Variants in ARHGAP30 observed in about 807,000 individuals in gnomAD.
The protein encoded by ARHGAP30 is rho GTPase-activating protein 30.
ARHGAP30 carries 23 observed loss-of-function variants against 72.0 expected under a neutral mutation model. That is an observed-to-expected ratio of 0.32 (90% CI 0.23 to 0.45). ARHGAP30 has a LOEUF of 0.45. ARHGAP30 is among the 20% of genes least tolerant of loss of function. The pLI, the probability that ARHGAP30 is intolerant of heterozygous loss-of-function variation, is 1.00. For missense variants in ARHGAP30, 1,319 were observed against 1,383.4 expected (o/e 0.95, Z 0.74); for synonymous variants, 576 against 528.2 (o/e 1.09, Z -1.24).
chr1:161,068,056 C>T (rs1001562977), intron 1 of ARHGAP30, among the ~76,000 whole-genome samples: 4 of 152,034 alleles, frequency 2.6e-5, no homozygotes, highest in Non-Finnish European at 5.9e-5. Context: ...CAGGAAGAGG[C>T]CGGGAGGGTT....
At chr1:161,066,908 C>T (rs1652818722) in intron 1 of ARHGAP30, among the ~76,000 whole-genome samples, 1 of 152,094 alleles carries the variant, frequency 6.6e-6, no homozygotes, top group Non-Finnish European at 1.5e-5. Context: ...TAATGCTAAG[C>T]CAACTCTTTT....
intron 1 of ARHGAP30, among the ~76,000 whole-genome samples, chr1:161,066,853 G>C (rs1481824628): frequency 6.6e-6 from 1 of 151,974 alleles, no homozygotes; most frequent in Non-Finnish European, 1.5e-5. Context: ...GCAGAGATAG[G>C]GCAGGCCCCT....
rs149081252 is a variant in ARHGAP30 at position 161,069,615 on chromosome 1, G to A, written c.10C>T (p.Arg4Trp). Residue 4 changes from arginine (R) to tryptophan (W), a missense_variant, in exon 1 of 12, where the codon CGG becomes TGG. Arg to Trp is a moderately radical substitution (Grantham distance 101). This residue lies in a region of ARHGAP30 where 222 missense variants were observed against 338.2 expected (regional missense o/e 0.66). Transcript: ENST00000368013. The surrounding 1 kb of genome is among the most constrained non-coding windows in gnomAD (Gnocchi z 4.9). Reference protein sequence around the residue: MKSRQKGKKKGSAK... With the variant: MKSWQKGKKKGSAK... Reference sequence around the variant, plus strand: ...CTGCCCTTCTTCTTTCCTTTCTGCCGAGACTTCATGGCCAGAGCCCCAGGG... The same window carrying A: ...CTGCCCTTCTTCTTTCCTTTCTGCCAAGACTTCATGGCCAGAGCCCCAGGG... 1.9e-5 allele frequency: 30 copies of A among 1,609,856 alleles called. No homozygotes were observed. Among genetic ancestry groups the A allele is most frequent in the African/African-American group, 1.7e-4 (13 of 75,020 alleles).
At chr1:161,050,959 T>C (rs759159410) in intron 10 of ARHGAP30, among the ~76,000 whole-genome samples, 4 of 152,250 alleles carry the variant, frequency 2.6e-5, no homozygotes, top group African/African-American at 4.8e-5. Context: ...AATAAACTCT[T>C]GCTAAATGTT....
rs1200986152 is a variant in ARHGAP30, at chr1:161,048,840, G to C, written c.2181C>G (p.Asp727Glu). ...EEKSKGQKKADSMEAKGVEEP... is the reference protein window; with the variant it reads ...EEKSKGQKKAESMEAKGVEEP... ...CCTCCACACCTTTAGCCTCCATACT[G>C]TCAGCCTTCTTCTGACCTTTGGACT... The change falls in exon 12 of 12, where the codon GAC (aspartate) becomes GAG (glutamate). Residue 727 changes from aspartate to glutamate, a missense_variant. By Grantham distance (45) the Asp-to-Glu change is conservative. This residue lies in a region of ARHGAP30 where 1,097 missense variants were observed against 1,045.2 expected (regional missense o/e 1.05). Transcript: ENST00000368013. The C allele has an allele frequency of 2.5e-6, 4 of 1,613,882 alleles. No individual in the cohort carries two copies. The Admixed American group carries it at 6.7e-5, about 27-fold the overall frequency.
intron 1 of ARHGAP30, among the ~76,000 whole-genome samples, chr1:161,068,796 C>T (rs1652946477): frequency 6.6e-6 from 1 of 152,112 alleles, no homozygotes; most frequent in Non-Finnish European, 1.5e-5. Context: ...GCTGGGTGAG[C>T]TCCACAGACA....
intron 6 of ARHGAP30, 130 bp downstream of exon 6, chr1:161,053,128 G>C (rs1244685179): frequency 8.9e-6 from 12 of 1,348,608 alleles, no homozygotes; most frequent in African/African-American, 7.2e-5. Flanking sequence ...ATCTCCCCAG[G>C]GTTCTCTCCA....
At chr1:161,050,249 T>C (rs903632798) in intron 10 of ARHGAP30, among the ~76,000 whole-genome samples, 6 of 151,650 alleles carry the variant, frequency 4.0e-5, no homozygotes, top group Non-Finnish European at 7.4e-5. Context: ...GTCATAAGAT[T>C]ATGAGAAAAT....
intron 2 of ARHGAP30, among the ~76,000 whole-genome samples, chr1:161,057,490 AG>A (rs1257773437): frequency 6.6e-6 from 1 of 152,216 alleles, no homozygotes; most frequent in Non-Finnish European, 1.5e-5. Context: ...ATGCAAATAT[AG>A]GCCAGGGGAG....
At chr1:161,054,878 A>G (rs1437747569) in intron 3 of ARHGAP30, among the ~76,000 whole-genome samples, 173 bp from the exon 4 acceptor site, 1 of 152,226 alleles carries the variant, frequency 6.6e-6, no homozygotes, top group Non-Finnish European at 1.5e-5. Context: ...ATTGGGGTCC[A>G]CGAAGATGGC....
chr1:161,052,851 C>CA, intron 6 of ARHGAP30, 54 bp from the exon 7 acceptor site: 8 of 1,578,622 alleles, frequency 5.1e-6, no homozygotes, highest in Non-Finnish European at 5.2e-6. Context: ...AGAGGGACCT[C>CA]AGGCACCCAA....
chr1:161,053,460 T>A, intron 5 of ARHGAP30, 75 bp from the exon 6 acceptor site: 1 of 982,852 alleles, frequency 1.0e-6, no homozygotes, highest in Non-Finnish European at 1.4e-6. Context: ...GAAAATACCT[T>A]ATTCTCTCTC....
chr1:161,066,551 G>A (rs1410859659), intron 1 of ARHGAP30, among the ~76,000 whole-genome samples: 1 of 149,158 alleles, frequency 6.7e-6, no homozygotes, highest in African/African-American at 2.5e-5. Context: ...GGCTGAGGCA[G>A]GGAGAATTGC....
rs762187216 is a variant in ARHGAP30, at chr1:161,047,770, C to T, written c.3251G>A (p.Arg1084His). ...QVPDPLLSSQ[R>H]RSYAFETQAN... ...CTGTGTTTCAAATGCATATGACCTG[C>T]GCTGAGAGGACAACAGGGGGTCAGG... Residue 1084 changes from arginine to histidine, a missense_variant, in exon 12 of 12, where the codon CGC becomes CAC. Coordinates refer to ENST00000368013, the MANE Select transcript of ARHGAP30 (RefSeq NM_001025598.2). 2.0e-5 allele frequency: 32 copies of T among 1,577,464 alleles called. No individual in the cohort carries two copies. The highest frequency in any genetic ancestry group is 1.7e-4 in the Middle Eastern group (1 of 5,858).
rs572756119 is a variant in ARHGAP30 at position 161,048,977 on chromosome 1, T to C, written c.2044A>G (p.Lys682Glu). 26 of 1,613,650 alleles carry C rather than the reference T, an allele frequency of 1.6e-5. No individual in the cohort carries two copies. The South Asian group carries it at 2.5e-4, about 16-fold the overall frequency. ...TCACTGGCCTTTCCAGCCTCCACCT[T>C]GGTCTCTGGACTTCCCTCTGCCTCT... ...REEAEGSPET[K>E]VEAGKASEDR... Residue 682 changes from lysine to glutamate, a missense_variant, in exon 12 of 12, where the codon AAG becomes GAG. Coordinates refer to ENST00000368013, the MANE Select transcript of ARHGAP30 (RefSeq NM_001025598.2).
At position 161,048,634 on chromosome 1, in the gene ARHGAP30, T is replaced by A; in HGVS notation, c.2387A>T (p.Glu796Val). 2 of 1,614,056 alleles carry A rather than the reference T, an allele frequency of 1.2e-6. No homozygotes were observed. The highest frequency in any genetic ancestry group is 1.7e-6 in the Non-Finnish European group (2 of 1,179,986). The stretch of plus-strand genomic sequence containing the variant: ...CTCCCTCTGTCCTTTGTCCTCATCC[T>A]CTCTGACTCCCTCAGCCTCTTGTTT... Reference protein sequence around the residue: ...VQKQEAEGVREDEDKGQREKG... With the variant: ...VQKQEAEGVRVDEDKGQREKG... The change falls in exon 12 of 12, where the codon GAG (glutamate) becomes GTG (valine). Residue 796 changes from glutamate to valine, a missense_variant. Transcript: ENST00000368013.
intron 3 of ARHGAP30, 62 bp downstream of exon 3, chr1:161,056,326 A>T: frequency 6.4e-7 from 1 of 1,574,712 alleles, no homozygotes; most frequent in Non-Finnish European, 8.6e-7. Flanking sequence ...CACACTTGGG[A>T]TGTCAAAACC....
rs892926942 is a variant in ARHGAP30, at chr1:161,052,528, C to T, written c.852G>A (p.Leu284=). The T allele has an allele frequency of 5.0e-6, 8 of 1,613,850 alleles. No homozygotes were observed. Among genetic ancestry groups the T allele is most frequent in the Admixed American group, 3.3e-5 (2 of 59,996 alleles). The change falls in exon 8 of 12, where the codon TTG becomes TTA. Residue 284 remains leucine, a synonymous_variant. Transcript: ENST00000368013. ...AGATAGACCTCCACTTCCTGACCTTCAAAGACCCCTTCCTCCTACAAAGAA... is the reference window on the plus strand; with the variant it reads ...AGATAGACCTCCACTTCCTGACCTTTAAAGACCCCTTCCTCCTACAAAGAA... ...EIAEHKRKGS[L]KVRKWRSIFN... is the part of the protein sequence containing the mutation.
Position 161,051,556 on chromosome 1 carries a change from C to A in ARHGAP30, c.1178G>T (p.Arg393Leu). 3.1e-6 allele frequency: 5 copies of A among 1,614,120 alleles called. No homozygotes were observed. Among genetic ancestry groups the A allele is most frequent in the Non-Finnish European group, 4.2e-6 (5 of 1,180,044 alleles). ...GCTGCCCCCAGCCCGGATGGCTGAC[C>A]GCCCAGCTCGTGGTGTGCCTGGTTC... The part of the protein sequence containing the change: ...NSEPGTPRAG[R>L]SAIRAGGSSR... The change falls in exon 10 of 12, where the codon CGG becomes CTG. Residue 393 changes from arginine to leucine, a missense_variant. Arg to Leu is a moderately radical substitution (Grantham distance 102, BLOSUM62 -2). Transcript: ENST00000368013.
Sources: allele counts gnomAD v4.1 joint callset (sites outside exome capture counted in the v4.1 genomes callset), GRCh38; gene constraint gnomAD v4.1.1; regional missense constraint gnomAD v4.1.1; non-coding constraint Gnocchi (gnomAD v3.1); transcripts MANE v1.5; gene names NCBI Gene and HGNC (gene_info 2026-07-23, HGNC 2026-07-21).